Variants in SPIDR observed in about 807,000 individuals in gnomAD.
The protein encoded by SPIDR is DNA repair-scaffolding protein.
SPIDR carries 93 observed loss-of-function variants against 104.6 expected under a neutral mutation model. The observed-to-expected ratio is 0.89, with a 90% confidence interval of 0.75 to 1.06. The LOEUF (loss-of-function observed/expected upper bound fraction) is 1.06, where lower values mean the gene tolerates loss of function less well. Among genes scored for constraint, SPIDR ranks in the 50% least tolerant of loss-of-function variants. The pLI is 0.00. For missense variants in SPIDR, 1,154 were observed against 1,111.2 expected (o/e 1.04, Z -0.55); for synonymous variants, 431 against 416.9 (o/e 1.03, Z -0.41).
chr8:47,429,046 C>T (rs1442693884), intron 7 of SPIDR, among the ~76,000 whole-genome samples: 2 of 152,160 alleles, frequency 1.3e-5, no homozygotes, highest in Admixed American at 1.3e-4. Context: ...AATACTGAGG[C>T]TGAACTATTC....
At chr8:47,339,582 A>C (rs2050346960) in intron 5 of SPIDR, among the ~76,000 whole-genome samples, 1 of 152,174 alleles carries the variant, frequency 6.6e-6, no homozygotes, top group African/African-American at 2.4e-5. Flanking sequence ...CTTTGCATTT[A>C]GAGGACTGTT....
intron 14 of SPIDR, among the ~76,000 whole-genome samples, chr8:47,708,804 A>G (rs2081437617): frequency 6.6e-6 from 1 of 152,198 alleles, no homozygotes; most frequent in Admixed American, 6.5e-5. Context: ...CTTTCACTTA[A>G]TAATATGCAT....
At chr8:47,464,327 TTACAATA>T (rs1554715662) in intron 8 of SPIDR, among the ~76,000 whole-genome samples, 1 of 152,146 alleles carries the variant, frequency 6.6e-6, no homozygotes, top group Admixed American at 6.5e-5. Context: ...TGCCAGACTC[TTACAATA>T]AAAACTACAA....
intron 10 of SPIDR, among the ~76,000 whole-genome samples, chr8:47,637,868 C>G (rs1306209702): frequency 6.6e-6 from 1 of 152,168 alleles, no homozygotes; most frequent in Admixed American, 6.6e-5. Context: ...ACCTAAGGAA[C>G]AGAGAGCTCC....
chr8:47,412,365 T>C (rs184648327), intron 7 of SPIDR, among the ~76,000 whole-genome samples: 6 of 152,362 alleles, frequency 3.9e-5, no homozygotes, highest in Admixed American at 6.5e-5. Flanking sequence ...AAAAAAAGAA[T>C]TTAATGGGAC....
At chr8:47,269,783 T>C (rs1729899248) in intron 1 of SPIDR, among the ~76,000 whole-genome samples, 1 of 152,176 alleles carries the variant, frequency 6.6e-6, no homozygotes, top group African/African-American at 2.4e-5. Flanking sequence ...TGTATGATGT[T>C]AGCTGTGGGT....
At chr8:47,670,680 T>G (rs950290140) in intron 10 of SPIDR, among the ~76,000 whole-genome samples, 1 of 152,196 alleles carries the variant, frequency 6.6e-6, no homozygotes, top group Non-Finnish European at 1.5e-5. Context: ...AACTCCAGGC[T>G]TAGAGTGATA....
intron 5 of SPIDR, among the ~76,000 whole-genome samples, chr8:47,368,260 T>C (rs2057483977): frequency 7.0e-6 from 1 of 143,130 alleles, no homozygotes; most frequent in African/African-American, 2.6e-5. Flanking sequence ...TTAGTTTCAA[T>C]GTACAAGTTT....
chr8:47,685,369 A>C (rs1253366107), intron 11 of SPIDR, among the ~76,000 whole-genome samples: 2 of 151,942 alleles, frequency 1.3e-5, no homozygotes, highest in African/African-American at 2.4e-5. Flanking sequence ...GTTTTGTTTT[A>C]TTCTTTTTTT....
At chr8:47,620,502 A>C (rs113785653) in intron 10 of SPIDR, among the ~76,000 whole-genome samples, 4,328 of 152,064 alleles carry the variant, frequency 0.028, 216 homozygotes, top group African/African-American at 0.097. Context: ...TCCTGACCCC[A>C]GGTGATCCAC....
chr8:47,530,938 A>G (rs1303492393), intron 8 of SPIDR, among the ~76,000 whole-genome samples: 1 of 151,702 alleles, frequency 6.6e-6, no homozygotes, highest in Non-Finnish European at 1.5e-5. Flanking sequence ...TTTAAAGGCA[A>G]GGTTGTGCAT....
chr8:47,375,133 G>A (rs1366253692), intron 5 of SPIDR, among the ~76,000 whole-genome samples: 8 of 148,942 alleles, frequency 5.4e-5, no homozygotes, highest in Non-Finnish European at 1.2e-4. Flanking sequence ...TTGATGGACA[G>A]TTTTCAAGGG....
At chr8:47,400,801 T>G (rs1436202020) in intron 6 of SPIDR, among the ~76,000 whole-genome samples, 1 of 151,950 alleles carries the variant, frequency 6.6e-6, no homozygotes, top group African/African-American at 2.4e-5. Context: ...CCCAGTTTGA[T>G]GGTCAAGTTG....
intron 8 of SPIDR, among the ~76,000 whole-genome samples, chr8:47,491,348 G>C (rs782377739): frequency 6.6e-6 from 1 of 151,468 alleles, no homozygotes; most frequent in Non-Finnish European, 1.5e-5. Context: ...ATAAAATTCT[G>C]TTTATTTAAA....
At chr8:47,408,543 T>TA (rs1193311024) in intron 7 of SPIDR, among the ~76,000 whole-genome samples, 8 of 152,194 alleles carry the variant, frequency 5.3e-5, no homozygotes, top group South Asian at 2.1e-4. Context: ...CTTTGACAAA[T>TA]ACCTCTCTAT....
rs1384251546 is a variant in SPIDR, at chr8:47,674,398, C to T, written c.1685+457C>T. On this transcript the variant is annotated intron_variant, in intron 11 of 19. Coordinates refer to ENST00000297423, the MANE Select transcript of SPIDR (RefSeq NM_001080394.4). The stretch of plus-strand genomic sequence containing the variant: ...TTCTCTGCCAGGTTTCATGGCACCT[C>T]GCCCTAAAATGTTGTTTTTGATAGG... Among the ~76,000 whole-genome samples the T allele has an allele frequency of 4.6e-5, 7 of 152,236 alleles. No homozygotes were observed. In the East Asian group the frequency reaches 7.7e-4, roughly 17 times the overall value.
intron 7 of SPIDR, among the ~76,000 whole-genome samples, chr8:47,419,464 A>G (rs1476195938): frequency 6.6e-6 from 1 of 152,054 alleles, no homozygotes; most frequent in Non-Finnish European, 1.5e-5. Flanking sequence ...CGGTGGTGAT[A>G]TCCCCTTTAT....
intron 11 of SPIDR, chr8:47,688,627 T>A (rs1317152859): frequency 6.6e-6 from 1 of 152,296 alleles, no homozygotes; most frequent in African/African-American, 2.4e-5. Flanking sequence ...TCTTTGTTCA[T>A]GCAGTTGTTC....
chr8:47,419,087 G>A (rs1554677715), intron 7 of SPIDR: 1 of 152,184 alleles, frequency 6.6e-6, no homozygotes. Context: ...CTCTTTTTTG[G>A]TTGTGTCTCT....
Sources: allele counts gnomAD v4.1 joint callset (sites outside exome capture counted in the v4.1 genomes callset), GRCh38; gene constraint gnomAD v4.1.1; transcripts MANE v1.5; gene names NCBI Gene and HGNC (gene_info 2026-07-23, HGNC 2026-07-21).